Variants in PPP1R13B observed in about 807,000 individuals in gnomAD.
PPP1R13B encodes apoptosis-stimulating of p53 protein 1.
PPP1R13B carries 44 observed loss-of-function variants against 119.8 expected under a neutral mutation model. That is an observed-to-expected ratio of 0.37 (90% CI 0.29 to 0.47). PPP1R13B has a LOEUF of 0.47. PPP1R13B is among the 20% of genes least tolerant of loss of function. The pLI is 0.99. For synonymous variants in PPP1R13B, 542 were observed against 561.5 expected, an observed-to-expected ratio of 0.97 and a Z score of 0.49; for missense variants, 1,227 against 1,413.5, an observed-to-expected ratio of 0.87 and a Z score of 2.12.
intron 1 of PPP1R13B, among the ~76,000 whole-genome samples, chr14:103,816,346 C>T (rs2086279792): frequency 6.7e-6 from 1 of 148,620 alleles, no homozygotes; most frequent in Non-Finnish European, 1.5e-5. Flanking sequence ...TTAGTAGAGA[C>T]GGGGTTTCAC....
intron 1 of PPP1R13B, among the ~76,000 whole-genome samples, chr14:103,820,796 C>A (rs536383727): frequency 1.4e-4 from 22 of 151,996 alleles, no homozygotes; most frequent in African/African-American, 4.6e-4. Flanking sequence ...CTGCACCCAG[C>A]CCTAGTCCTT....
At chr14:103,743,562 T>C (rs2084311773) in intron 9 of PPP1R13B, among the ~76,000 whole-genome samples, 1 of 152,208 alleles carries the variant, frequency 6.6e-6, no homozygotes, top group African/African-American at 2.4e-5. Flanking sequence ...CCTGGTTCTC[T>C]TTTACAGGAA....
At chr14:103,752,879 G>T in intron 7 of PPP1R13B, 121 bp downstream of exon 7, 1 of 1,074,750 alleles carries the variant, frequency 9.3e-7, no homozygotes, top group Non-Finnish European at 1.3e-6. Context: ...TATATCTTGT[G>T]CCTATTATTA....
intron 1 of PPP1R13B, among the ~76,000 whole-genome samples, chr14:103,812,127 GTTTTTTT>G (rs754523884): frequency 8.2e-6 from 1 of 121,334 alleles, no homozygotes; most frequent in African/African-American, 3.3e-5. Context: ...TCTGTGTGTG[GTTTTTTT>G]TTTTTTTTTT....
chr14:103,778,636 C>CCTCA (rs2085267113), intron 4 of PPP1R13B, 109 bp downstream of exon 4: 1 of 822,060 alleles, frequency 1.2e-6, no homozygotes, highest in Middle Eastern at 2.3e-4. Flanking sequence ...AAACTCCTGC[C>CCTCA]CTCATGTGAT....
chr14:103,749,542 C>T (rs574473284), intron 8 of PPP1R13B, among the ~76,000 whole-genome samples: 7 of 152,282 alleles, frequency 4.6e-5, no homozygotes, highest in Non-Finnish European at 8.8e-5. Flanking sequence ...GAGACAGAAA[C>T]ACATGGGGAG....
chr14:103,826,584 A>T (rs1275233990), intron 1 of PPP1R13B, among the ~76,000 whole-genome samples: 2 of 152,198 alleles, frequency 1.3e-5, no homozygotes, highest in African/African-American at 4.8e-5. Flanking sequence ...CAAGAAATAC[A>T]TTGAAAATTT....
intron 1 of PPP1R13B, among the ~76,000 whole-genome samples, chr14:103,816,615 G>A (rs999370754): frequency 6.6e-6 from 1 of 150,512 alleles, no homozygotes; most frequent in Non-Finnish European, 1.5e-5. Flanking sequence ...TACCCGGGAG[G>A]TGGAGGTTGC....
intron 2 of PPP1R13B, among the ~76,000 whole-genome samples, chr14:103,795,519 T>G (rs937346498): frequency 6.6e-6 from 1 of 152,170 alleles, no homozygotes; most frequent in Non-Finnish European, 1.5e-5. Context: ...GTGACTCGTA[T>G]GAGAGAGACA....
rs1457926762 is a variant in PPP1R13B at position 103,831,979 on chromosome 14, A to C, written c.9+15320T>G. ...AAATTAGCCAGGGATGGTGGTGTGC[A>C]CCTGTAGTCCCAGCTACTCAGGAGG... On this transcript the variant is annotated intron_variant, in intron 1 of 16. Transcript: ENST00000202556. 2.6e-5 allele frequency among the ~76,000 whole-genome samples: 4 copies of C among 151,542 alleles called. No individual in the cohort carries two copies. In the East Asian group the frequency reaches 5.8e-4, roughly 22 times the overall value.
chr14:103,810,361 G>T (rs1159617795), intron 1 of PPP1R13B, among the ~76,000 whole-genome samples: 3 of 152,114 alleles, frequency 2.0e-5, no homozygotes, highest in Admixed American at 2.0e-4. Flanking sequence ...GGCAGAGGTT[G>T]CAGTGAGCCA....
chr14:103,805,367 T>C (rs2085993255), intron 1 of PPP1R13B, among the ~76,000 whole-genome samples: 1 of 151,818 alleles, frequency 6.6e-6, no homozygotes, highest in Admixed American at 6.6e-5. Context: ...GCTCAAGAGT[T>C]CAAGACCAGC....
rs960621696 is a variant in PPP1R13B, at chr14:103,796,345, A to C, written c.157+1026T>G. ...ATAGACATTTCTCCAGAGAAGATAT[A>C]AAAATGGCCAATATACACATGAAAA... On this transcript the variant is annotated intron_variant, in intron 2 of 16. Coordinates refer to ENST00000202556, the MANE Select transcript of PPP1R13B (RefSeq NM_015316.3). Among the ~76,000 whole-genome samples, 41 of 152,160 alleles carry C rather than the reference A, an allele frequency of 2.7e-4. 3 individuals carry two copies. The highest frequency in any genetic ancestry group is 1.5e-5 in the Non-Finnish European group (1 of 68,024).
chr14:103,803,295 A>G (rs1449365744), intron 1 of PPP1R13B, among the ~76,000 whole-genome samples: 4 of 152,174 alleles, frequency 2.6e-5, no homozygotes, highest in Non-Finnish European at 5.9e-5. Flanking sequence ...AACTAAATGA[A>G]AAAAGAAAAC....
chr14:103,814,330 C>A (rs957088655), intron 1 of PPP1R13B, among the ~76,000 whole-genome samples: 8 of 152,100 alleles, frequency 5.3e-5, no homozygotes, highest in African/African-American at 1.9e-4. Context: ...GCCTGGGCGA[C>A]AGAGCAAGAC....
intron 2 of PPP1R13B, among the ~76,000 whole-genome samples, chr14:103,794,971 T>G (rs1395517440): frequency 6.6e-6 from 1 of 152,080 alleles, no homozygotes; most frequent in Non-Finnish European, 1.5e-5. Flanking sequence ...TTTGAGACAG[T>G]CTCGCTCTGT....
rs765447539 is a variant in PPP1R13B at position 103,746,525 on chromosome 14, G to C, written c.998C>G (p.Pro333Arg). Residue 333 changes from proline (P) to arginine (R), a missense_variant, in exon 9 of 17, where the codon CCA (proline) becomes CGA (arginine). Coordinates refer to ENST00000202556, the MANE Select transcript of PPP1R13B (RefSeq NM_015316.3). ...GCCCGATGTGCTCAGAGGGGACTGT[G>C]GTGATGACGTGCCATTCACACGGTT... is the stretch of plus-strand genomic sequence containing the variant. ...QLNRVNGTSS[P>R]QSPLSTSGRV... The C allele has an allele frequency of 8.7e-6, 14 of 1,606,266 alleles. No homozygotes were observed. The South Asian group carries it at 1.6e-4, about 18-fold the overall frequency.
chr14:103,735,888 G>GC (rs1212715019), intron 16 of PPP1R13B, 115 bp downstream of exon 16: 1 of 1,160,022 alleles, frequency 8.6e-7, no homozygotes. Flanking sequence ...TACAGAGGGG[G>GC]CTGCTGAGGC....
At chr14:103,782,776 G>A (rs1159843201) in intron 3 of PPP1R13B, among the ~76,000 whole-genome samples, 1 of 151,686 alleles carries the variant, frequency 6.6e-6, no homozygotes. Flanking sequence ...TGTGAACTGT[G>A]TGTGTATATA....
Sources: gnomAD v4.1 joint callset for allele counts (sites outside exome capture counted in the v4.1 genomes callset) on GRCh38, gnomAD v4.1.1 for gene constraint, MANE v1.5 for transcripts, NCBI Gene and HGNC (gene_info 2026-07-23, HGNC 2026-07-21) for gene names.